SDK2: variants seen among roughly 807,000 people sequenced by gnomAD.
SDK2 encodes protein sidekick-2.
SDK2 carries 105 observed loss-of-function variants against 253.9 expected under a neutral mutation model. That is an observed-to-expected ratio of 0.41 (90% CI 0.35 to 0.49). SDK2 has a LOEUF of 0.49. SDK2 is among the 20% of genes least tolerant of loss of function. The pLI is 0.06. For missense variants in SDK2, 2,608 were observed against 3,003.0 expected, an observed-to-expected ratio of 0.87 and a Z score of 3.07; for synonymous variants, 1,249 against 1,234.9, an observed-to-expected ratio of 1.01 and a Z score of -0.24.
intron 1 of SDK2, among the ~76,000 whole-genome samples, chr17:73,572,916 A>T (rs184314098): frequency 1.3e-5 from 2 of 152,286 alleles, no homozygotes; most frequent in East Asian, 3.9e-4. Flanking sequence ...AACACCCAGC[A>T]TGCTCACTTG....
At chr17:73,422,637 C>T (rs923527290) in intron 14 of SDK2, among the ~76,000 whole-genome samples, 11 of 151,988 alleles carry the variant, frequency 7.2e-5, no homozygotes, top group African/African-American at 1.9e-4. Context: ...TGGAGGGTGC[C>T]GGAGGAAAGT....
intron 1 of SDK2, among the ~76,000 whole-genome samples, chr17:73,598,512 G>A (rs192683226): frequency 2.4e-4 from 36 of 152,252 alleles, no homozygotes; most frequent in African/African-American, 7.7e-4. Flanking sequence ...CCCTCTGCCC[G>A]GCTCTCGTTC....
chr17:73,600,594 G>C (rs1254246470), intron 1 of SDK2, among the ~76,000 whole-genome samples: 1 of 152,150 alleles, frequency 6.6e-6, no homozygotes, highest in East Asian at 1.9e-4. Flanking sequence ...CCAGCAGACA[G>C]TGTGGGGAGA....
chr17:73,643,776 C>T lies in SDK2; in HGVS notation c.64+249G>A, dbSNP rs934544930. Reference sequence around the variant, plus strand: ...CGCCCCTCCCACTTCACCTTGGGCTCTTCTCTGCCTCCCCAGGTCGTCCCC... The same window carrying T: ...CGCCCCTCCCACTTCACCTTGGGCTTTTCTCTGCCTCCCCAGGTCGTCCCC... On this transcript the variant is annotated intron_variant, in intron 1 of 44. Coordinates refer to ENST00000392650, the MANE Select transcript of SDK2 (RefSeq NM_001144952.2). This position sits in a 1 kb window ranked among gnomAD's most constrained non-coding sequence, Gnocchi z 6.9. 1.3e-5 allele frequency among the ~76,000 whole-genome samples: 2 copies of T among 152,076 alleles called. No individual in the cohort carries two copies. The highest frequency in any genetic ancestry group is 2.4e-5 in the African/African-American group (1 of 41,430).
intron 1 of SDK2, among the ~76,000 whole-genome samples, chr17:73,615,635 C>T (rs1044055997): frequency 5.9e-5 from 9 of 152,108 alleles, no homozygotes; most frequent in South Asian, 2.1e-4. Flanking sequence ...ATGGTGGTTG[C>T]GGTGGAAGTT....
At chr17:73,468,604 C>G (rs376458495) in intron 3 of SDK2, among the ~76,000 whole-genome samples, 21 of 150,088 alleles carry the variant, frequency 1.4e-4, no homozygotes, top group Admixed American at 6.0e-4. Context: ...CTCCGCCTCC[C>G]AGGTTCAAGC....
At chr17:73,390,223 C>G in intron 29 of SDK2, 64 bp downstream of exon 29, 1 of 1,384,622 alleles carries the variant, frequency 7.2e-7, no homozygotes, top group Non-Finnish European at 9.7e-7. Context: ...AGGAACAGCT[C>G]AGAGCACTGG....
rs766473739 is a variant in SDK2, at chr17:73,419,209, G to A, written c.2143C>T (p.Pro715Ser). ...AGAATTCCATTCTGGTGGCTCTCAG[G>A]AGGCGGCTGCCACTGGATCATGATG... is the stretch of plus-strand genomic sequence containing the variant. ...QSIMIQWQPP[P>S]ESHQNGILKG... The change falls in exon 16 of 45, where the codon CCT (proline) becomes TCT (serine). Residue 715 changes from proline (P) to serine (S), a missense_variant. By Grantham distance (74) the Pro-to-Ser change is moderately conservative. Around this residue, in one of 2 missense-constraint regions of SDK2, gnomAD observed 1,505 missense variants for 1,859.1 expected, o/e 0.81. Transcript: ENST00000392650. 3 of 1,612,292 alleles carry A rather than the reference G, an allele frequency of 1.9e-6. No individual in the cohort carries two copies. The highest frequency in any genetic ancestry group is 2.5e-6 in the Non-Finnish European group (3 of 1,179,416).
chr17:73,620,171 C>T (rs2046115374), intron 1 of SDK2, among the ~76,000 whole-genome samples: 1 of 150,898 alleles, frequency 6.6e-6, no homozygotes, highest in Non-Finnish European at 1.5e-5. Context: ...TGCTCTCCAT[C>T]CTGGGCAACA....
intron 14 of SDK2, among the ~76,000 whole-genome samples, 192 bp downstream of exon 14, chr17:73,423,190 CTCTT>C (rs1468573225): frequency 6.6e-6 from 1 of 152,240 alleles, no homozygotes; most frequent in Non-Finnish European, 1.5e-5. Flanking sequence ...TGTGCGTCAT[CTCTT>C]TCAACTGTAA....
At chr17:73,499,785 A>G (rs2063871393) in intron 2 of SDK2, among the ~76,000 whole-genome samples, 1 of 151,922 alleles carries the variant, frequency 6.6e-6, no homozygotes. Flanking sequence ...TTGTGAGATG[A>G]CGGCAGTAAA....
At chr17:73,449,816 G>A (rs774034093) in intron 4 of SDK2, among the ~76,000 whole-genome samples, 1 of 151,904 alleles carries the variant, frequency 6.6e-6, no homozygotes, top group African/African-American at 2.4e-5. Flanking sequence ...CCAGCTACTC[G>A]GGAGGCTGAG....
intron 2 of SDK2, among the ~76,000 whole-genome samples, chr17:73,498,158 G>A (rs980114470): frequency 6.6e-5 from 10 of 152,262 alleles, no homozygotes; most frequent in Admixed American, 2.6e-4. Flanking sequence ...ACCAGCAGCC[G>A]GTATCTGGTC....
chr17:73,579,933 G>C lies in SDK2; in HGVS notation c.64+64092C>G, dbSNP rs560724968. Among the ~76,000 whole-genome samples the C allele has an allele frequency of 1.5e-4, 23 of 151,058 alleles. No homozygotes were observed. The South Asian group carries it at 4.8e-3, about 32-fold the overall frequency. On this transcript the variant is annotated intron_variant, in intron 1 of 44. Coordinates refer to ENST00000392650, the MANE Select transcript of SDK2 (RefSeq NM_001144952.2). ...GTGGAGGTGGCAGTGAGCTGAGATC[G>C]CACCACTGCATTCCAGCCTGGGGGA...
intron 2 of SDK2, among the ~76,000 whole-genome samples, chr17:73,502,079 GCACATACACA>G (rs1426945909): frequency 0.032 from 4,694 of 147,496 alleles, 184 homozygotes; most frequent in African/African-American, 0.092. Context: ...TTTGTGTAGT[GCACATACACA>G]CACACACACA....
At position 73,336,436 on chromosome 17, in the gene SDK2, C is replaced by T. The variant is rs1175566633; in HGVS notation, c.*2151G>A. On this transcript the variant is annotated 3_prime_UTR_variant, in exon 45 of 45. Coordinates refer to ENST00000392650, the MANE Select transcript of SDK2 (RefSeq NM_001144952.2). Reference sequence around the variant, plus strand: ...TCTCCTTTGGGGAAGATTGTGCTTCCCTTCCCAGGCCTCCTTATTGGAGAA... The same window carrying T: ...TCTCCTTTGGGGAAGATTGTGCTTCTCTTCCCAGGCCTCCTTATTGGAGAA... The T allele has an allele frequency of 6.6e-6, 1 of 152,286 alleles. No individual in the cohort carries two copies. The allele number at this position is 152,286 out of a possible 1,614,324, so 9.4% of individuals were successfully genotyped here.
intron 1 of SDK2, among the ~76,000 whole-genome samples, chr17:73,597,460 G>A (rs143251452): frequency 0.012 from 1,790 of 152,234 alleles, 25 homozygotes; most frequent in Middle Eastern, 0.031. Flanking sequence ...CGATGTGGAC[G>A]TATCTGTCTG....
intron 1 of SDK2, among the ~76,000 whole-genome samples, chr17:73,590,623 G>A (rs562307503): frequency 6.6e-6 from 1 of 152,360 alleles, no homozygotes; most frequent in Non-Finnish European, 1.5e-5. Flanking sequence ...TGTGTTCTGA[G>A]GTGGGGAATC....
At chr17:73,593,632 C>T (rs111467864) in intron 1 of SDK2, among the ~76,000 whole-genome samples, 2 of 152,208 alleles carry the variant, frequency 1.3e-5, no homozygotes, top group Non-Finnish European at 2.9e-5. Context: ...CAGTGCCCCC[C>T]CAAAGTGTGC....
Sources: allele counts gnomAD v4.1 joint callset (sites outside exome capture counted in the v4.1 genomes callset), GRCh38; gene constraint gnomAD v4.1.1; regional missense constraint gnomAD v4.1.1; non-coding constraint Gnocchi (gnomAD v3.1); transcripts MANE v1.5; gene names NCBI Gene and HGNC (gene_info 2026-07-23, HGNC 2026-07-21).